KSR2: variants seen among roughly 807,000 people sequenced by gnomAD.
KSR2 encodes kinase suppressor of ras 2.
A neutral mutation model predicts 107.8 loss-of-function variants in KSR2; 25 were observed. The observed-to-expected ratio is 0.23, with a 90% confidence interval of 0.17 to 0.32. The LOEUF is 0.32. Among genes scored for constraint, KSR2 ranks in the 10% least tolerant of loss-of-function variants. The pLI, the probability that KSR2 is intolerant of heterozygous loss-of-function variation, is 1.00. For synonymous variants in KSR2, 480 were observed against 507.0 expected (o/e 0.95, Z 0.71); for missense variants, 887 against 1,268.9 (o/e 0.70, Z 4.57).
intron 14 of KSR2, among the ~76,000 whole-genome samples, chr12:117,489,679 A>G (rs756532383): frequency 9.1e-4 from 138 of 152,324 alleles, no homozygotes; most frequent in Non-Finnish European, 1.5e-3. Flanking sequence ...GTCTTTACCC[A>G]GTGAAGAGTA....
chr12:117,637,202 T>A (rs1705125222), intron 5 of KSR2, among the ~76,000 whole-genome samples: 1 of 152,344 alleles, frequency 6.6e-6, no homozygotes, highest in South Asian at 2.1e-4. Flanking sequence ...AGCATATAAA[T>A]TGATGCAACA....
At chr12:117,791,623 G>C (rs1301559190) in intron 3 of KSR2, among the ~76,000 whole-genome samples, 1 of 152,198 alleles carries the variant, frequency 6.6e-6, no homozygotes, top group Non-Finnish European at 1.5e-5. Flanking sequence ...GTGACATGAT[G>C]AGAGGTGCTT....
chr12:117,485,243 G>C (rs1373744515), intron 15 of KSR2, among the ~76,000 whole-genome samples: 2 of 152,190 alleles, frequency 1.3e-5, no homozygotes, highest in Non-Finnish European at 2.9e-5. Context: ...GCAGTGGAGA[G>C]AGATGGTTTC....
intron 1 of KSR2, among the ~76,000 whole-genome samples, chr12:117,882,202 T>C (rs1015278805): frequency 2.6e-5 from 4 of 152,120 alleles, no homozygotes; most frequent in Admixed American, 1.3e-4. Flanking sequence ...ATAGGCACCA[T>C]AGTAGCAGCA....
intron 14 of KSR2, among the ~76,000 whole-genome samples, chr12:117,524,444 T>C (rs1308408796): frequency 6.6e-6 from 1 of 152,104 alleles, no homozygotes; most frequent in Non-Finnish European, 1.5e-5. Flanking sequence ...GGCAGGAGGA[T>C]TGCTTGAGGC....
intron 3 of KSR2, among the ~76,000 whole-genome samples, chr12:117,837,441 C>T (rs889094374): frequency 2.0e-5 from 3 of 152,164 alleles, no homozygotes; most frequent in Non-Finnish European, 2.9e-5. Context: ...CATGACACTG[C>T]GCCATCAAGA....
At chr12:117,670,755 G>A (rs1430925874) in intron 4 of KSR2, among the ~76,000 whole-genome samples, 5 of 152,160 alleles carry the variant, frequency 3.3e-5, no homozygotes, top group Non-Finnish European at 7.4e-5. Context: ...GAAAAATGCT[G>A]TAATAGATGA....
At chr12:117,562,067 TG>T (rs566632336) in intron 7 of KSR2, among the ~76,000 whole-genome samples, 1 of 151,954 alleles carries the variant, frequency 6.6e-6, no homozygotes, top group Admixed American at 6.6e-5. Flanking sequence ...GAAAATGGGT[TG>T]GGGGGAATGA....
At chr12:117,918,664 C>T (rs1310575738) in intron 1 of KSR2, among the ~76,000 whole-genome samples, 5 of 151,404 alleles carry the variant, frequency 3.3e-5, no homozygotes, top group East Asian at 3.9e-4. Context: ...GGCGCATGCC[C>T]GTAATCCCAG....
intron 5 of KSR2, among the ~76,000 whole-genome samples, chr12:117,635,654 G>T (rs1883032766): frequency 6.6e-6 from 1 of 152,118 alleles, no homozygotes; most frequent in Non-Finnish European, 1.5e-5. Context: ...TTACATTTTG[G>T]AATACTTTCA....
chr12:117,475,488 T>C (rs1045181344), intron 17 of KSR2, among the ~76,000 whole-genome samples: 17 of 152,208 alleles, frequency 1.1e-4, no homozygotes, highest in African/African-American at 4.1e-4. Flanking sequence ...GCCCTTGTAC[T>C]CAATCTTTAA....
chr12:117,820,618 T>C (rs772138270), intron 3 of KSR2, among the ~76,000 whole-genome samples: 3 of 151,958 alleles, frequency 2.0e-5, no homozygotes, highest in Non-Finnish European at 2.9e-5. Flanking sequence ...GGTGCCGAGG[T>C]CATCTTCCGA....
chr12:117,548,127 G>A (rs1877011282), intron 9 of KSR2, among the ~76,000 whole-genome samples: 1 of 151,950 alleles, frequency 6.6e-6, no homozygotes, highest in Non-Finnish European at 1.5e-5. Flanking sequence ...ACTCACCACT[G>A]TGTCATTGCT....
intron 5 of KSR2, among the ~76,000 whole-genome samples, chr12:117,629,312 G>C (rs1224760791): frequency 6.6e-6 from 1 of 152,120 alleles, no homozygotes; most frequent in Admixed American, 6.5e-5. Context: ...GACCAGAGCT[G>C]TTCCTATTTG....
intron 1 of KSR2, among the ~76,000 whole-genome samples, chr12:117,933,774 A>G (rs928997789): frequency 6.6e-5 from 10 of 152,066 alleles, no homozygotes; most frequent in Non-Finnish European, 1.3e-4. Context: ...AAATCTTCTT[A>G]CCCTTGATCC....
chr12:117,928,384 A>G (rs923566561), intron 1 of KSR2, among the ~76,000 whole-genome samples: 1 of 151,878 alleles, frequency 6.6e-6, no homozygotes, highest in African/African-American at 2.4e-5. Flanking sequence ...AGGTTTCACC[A>G]TGTTGCCCAG....
At chr12:117,680,722 G>A (rs1208910806) in intron 4 of KSR2, among the ~76,000 whole-genome samples, 1 of 152,122 alleles carries the variant, frequency 6.6e-6, no homozygotes, top group South Asian at 2.1e-4. Flanking sequence ...AAAAGAATCA[G>A]GAGAGAGAGA....
chr12:117,570,644 G>T (rs1283061616), intron 7 of KSR2, among the ~76,000 whole-genome samples: 1 of 152,192 alleles, frequency 6.6e-6, no homozygotes, highest in Admixed American at 6.5e-5. Flanking sequence ...TTCATATAAA[G>T]TCGGGTTTTG....
At chr12:117,506,672 CCA>C (rs1565876403) in intron 14 of KSR2, among the ~76,000 whole-genome samples, 1 of 152,098 alleles carries the variant, frequency 6.6e-6, no homozygotes, top group African/African-American at 2.4e-5. Context: ...CTATAGGATT[CCA>C]GAGTGCTATG....
Sources: gnomAD v4.1 joint callset for allele counts (sites outside exome capture counted in the v4.1 genomes callset) on GRCh38, gnomAD v4.1.1 for gene constraint, MANE v1.5 for transcripts, NCBI Gene and HGNC (gene_info 2026-07-23, HGNC 2026-07-21) for gene names.